PTPN21: variants seen among roughly 807,000 people sequenced by gnomAD.
PTPN21 encodes protein tyrosine phosphatase non-receptor type 21, also known as tyrosine-protein phosphatase non-receptor type 21.
PTPN21 carries 77 observed loss-of-function variants against 131.8 expected under a neutral mutation model. The ratio of observed to expected loss-of-function variants is 0.58; its 90% CI spans 0.49 to 0.71. The LOEUF (loss-of-function observed/expected upper bound fraction) is 0.71, where lower values mean the gene tolerates loss of function less well. Among genes scored for constraint, PTPN21 ranks in the 30% least tolerant of loss-of-function variants. The pLI, the probability that PTPN21 is intolerant of heterozygous loss-of-function variation, is 0.00. For synonymous variants in PTPN21, 715 were observed against 621.3 expected, an observed-to-expected ratio of 1.15 and a Z score of -2.24; for missense variants, 1,552 against 1,527.1, an observed-to-expected ratio of 1.02 and a Z score of -0.27.
intron 13 of PTPN21, among the ~76,000 whole-genome samples, chr14:88,476,355 C>CTT (rs1026307185): frequency 2.6e-5 from 4 of 152,146 alleles, no homozygotes; most frequent in Non-Finnish European, 5.9e-5. Context: ...TTTCAATGTG[C>CTT]CAGAACCTCA....
At chr14:88,513,781 T>G (rs2078220996) in intron 3 of PTPN21, 1 of 152,264 alleles carries the variant, frequency 6.6e-6, no homozygotes, top group Non-Finnish European at 1.5e-5. Context: ...AGGTCGTTTT[T>G]GCTAGATATA....
chr14:88,497,640 G>T (rs79668205), intron 8 of PTPN21, among the ~76,000 whole-genome samples: 1 of 151,868 alleles, frequency 6.6e-6, no homozygotes, highest in Non-Finnish European at 1.5e-5. Flanking sequence ...CTCGCCAGGC[G>T]TGGTAGCAGG....
chr14:88,482,223 G>A (rs1179916536), intron 12 of PTPN21, among the ~76,000 whole-genome samples: 1 of 152,230 alleles, frequency 6.6e-6, no homozygotes, highest in Non-Finnish European at 1.5e-5. Flanking sequence ...AAGCTGGGGT[G>A]GCTAGAGTGT....
chr14:88,498,908 T>C (rs142421859), intron 8 of PTPN21, among the ~76,000 whole-genome samples: 3 of 30,186 alleles, frequency 9.9e-5, no homozygotes, highest in African/African-American at 1.4e-4. Context: ...CCATTAGATT[T>C]ATTTATTTTA....
At chr14:88,499,734 G>A (rs816070) in intron 8 of PTPN21, among the ~76,000 whole-genome samples, 144,521 of 152,282 alleles carry the variant, frequency 0.95, 68,915 homozygotes, top group Non-Finnish European at 1. Flanking sequence ...CCAAAAAACA[G>A]AAGTGATAGA....
intron 12 of PTPN21, among the ~76,000 whole-genome samples, chr14:88,482,629 A>G (rs540207986): frequency 6.6e-6 from 1 of 152,100 alleles, no homozygotes; most frequent in South Asian, 2.1e-4. Context: ...AAAAGAAAAG[A>G]AAAGAAAAGA....
intron 2 of PTPN21, among the ~76,000 whole-genome samples, chr14:88,524,424 G>A (rs1232896231): frequency 6.6e-6 from 1 of 152,004 alleles, no homozygotes; most frequent in East Asian, 1.9e-4. Flanking sequence ...ATCCACATAC[G>A]AAAGAATGAA....
At chr14:88,497,703 C>T (rs187349372) in intron 8 of PTPN21, among the ~76,000 whole-genome samples, 3 of 151,776 alleles carry the variant, frequency 2.0e-5, no homozygotes, top group South Asian at 4.2e-4. Context: ...GGTGTGAACC[C>T]GGGAGGCAGA....
At chr14:88,545,134 C>T (rs993156195) in intron 2 of PTPN21, among the ~76,000 whole-genome samples, 3 of 152,104 alleles carry the variant, frequency 2.0e-5, no homozygotes, top group Admixed American at 6.5e-5. Flanking sequence ...CGCGCCTGGC[C>T]GACTTATGAA....
Position 88,472,359 on chromosome 14 carries a change from G to A in PTPN21, c.2756C>T (p.Pro919Leu), listed in dbSNP as rs746818546. The A allele has an allele frequency of 6.2e-7, 1 of 1,613,808 alleles. No individual in the cohort carries two copies. The highest frequency in any genetic ancestry group is 8.5e-7 in the Non-Finnish European group (1 of 1,179,714). The stretch of plus-strand genomic sequence containing the variant: ...GAATCGATTTCTTTCTGCATTTTCA[G>A]GGAGTCGTGCTGTTGAGCACTCCCC... ...VDGECSTARL[P>L]ENAERNRFQD... The change falls in exon 15 of 19, where the codon CCT becomes CTT. Residue 919 changes from proline to leucine, a missense_variant. Coordinates refer to ENST00000556564, the MANE Select transcript of PTPN21 (RefSeq NM_007039.4).
chr14:88,544,160 C>CATAGT (rs1172544801), intron 2 of PTPN21, among the ~76,000 whole-genome samples: 3 of 152,090 alleles, frequency 2.0e-5, no homozygotes, highest in African/African-American at 7.2e-5. Flanking sequence ...GCTTGGCCAA[C>CATAGT]ATAGTGAAAC....
At chr14:88,477,936 G>C (rs142865899) in intron 13 of PTPN21, among the ~76,000 whole-genome samples, 279 of 152,310 alleles carry the variant, frequency 1.8e-3, no homozygotes, top group African/African-American at 6.7e-3. Flanking sequence ...TGACTTAATA[G>C]AACATATACA....
In PTPN21 at chr14:88,480,145, G is replaced by A. The variant is rs2077628520; in HGVS notation, c.1286C>T (p.Pro429Leu). The change falls in exon 13 of 19, where the codon CCT becomes CTT. Residue 429 changes from proline (P) to leucine (L), a missense_variant. Pro to Leu is a moderately conservative substitution (Grantham distance 98, BLOSUM62 -3). This residue lies in a region of PTPN21 where 1,016 missense variants were observed against 883.5 expected (regional missense o/e 1.15). Transcript: ENST00000556564. ...PSITGSDVMR[P>L]DYLPSHRHSA... ...GTGCCGATGGGACGGGAGGTAGTCAGGCCTCATGACGTCACTCCCGGTGAT... is the reference window on the plus strand; with the variant it reads ...GTGCCGATGGGACGGGAGGTAGTCAAGCCTCATGACGTCACTCCCGGTGAT... The A allele has an allele frequency of 3.7e-6, 6 of 1,614,176 alleles. No individual in the cohort carries two copies. The highest frequency in any genetic ancestry group is 5.1e-6 in the Non-Finnish European group (6 of 1,180,016).
intron 10 of PTPN21, among the ~76,000 whole-genome samples, chr14:88,496,070 C>T (rs1004238748): frequency 3.9e-5 from 6 of 152,072 alleles, no homozygotes; most frequent in Non-Finnish European, 7.4e-5. Flanking sequence ...AAGAAAAATG[C>T]ACACCAGGAA....
intron 8 of PTPN21, among the ~76,000 whole-genome samples, 179 bp downstream of exon 8, chr14:88,500,604 C>T (rs1333205837): frequency 3.3e-5 from 5 of 152,076 alleles, no homozygotes; most frequent in African/African-American, 4.8e-5. Flanking sequence ...TTGAAGAAAG[C>T]GGCTTATTGA....
chr14:88,485,389 C>G (rs1271318153), intron 11 of PTPN21, among the ~76,000 whole-genome samples: 1 of 152,116 alleles, frequency 6.6e-6, no homozygotes, highest in African/African-American at 2.4e-5. Flanking sequence ...TTAGGCTCCA[C>G]CAGAAAATCT....
chr14:88,530,217 A>T (rs2078535897), intron 2 of PTPN21, among the ~76,000 whole-genome samples: 1 of 152,170 alleles, frequency 6.6e-6, no homozygotes, highest in African/African-American at 2.4e-5. Flanking sequence ...TTTTTCAGAC[A>T]AACAAATGCT....
intron 18 of PTPN21, among the ~76,000 whole-genome samples, chr14:88,468,666 T>C (rs1434716074): frequency 6.6e-6 from 1 of 152,132 alleles, no homozygotes; most frequent in Non-Finnish European, 1.5e-5. Flanking sequence ...AGCTCAAATT[T>C]GAAAAACCCT....
chr14:88,516,119 A>G (rs1175761856), intron 3 of PTPN21, among the ~76,000 whole-genome samples: 1 of 152,230 alleles, frequency 6.6e-6, no homozygotes, highest in African/African-American at 2.4e-5. Context: ...AACATGGGCT[A>G]AAACCTAGGA....
Sources: gnomAD v4.1 joint callset for allele counts (sites outside exome capture counted in the v4.1 genomes callset) on GRCh38, gnomAD v4.1.1 for gene constraint, gnomAD v4.1.1 regional missense constraint, MANE v1.5 for transcripts, NCBI Gene and HGNC (gene_info 2026-07-23, HGNC 2026-07-21) for gene names.